Variants in ASIC2 observed in about 807,000 individuals in gnomAD.
The protein encoded by ASIC2 is acid-sensing ion channel 2.
ASIC2 carries 25 observed loss-of-function variants against 57.3 expected under a neutral mutation model. That is an observed-to-expected ratio of 0.44 (90% CI 0.32 to 0.61). The LOEUF (loss-of-function observed/expected upper bound fraction) is 0.61, where lower values mean the gene tolerates loss of function less well. Among genes scored for constraint, ASIC2 ranks in the 20% least tolerant of loss-of-function variants. The probability of loss-of-function intolerance (pLI) is 0.06; values close to 1 mark genes in which losing one functional copy is unlikely to be tolerated. For synonymous variants in ASIC2, 319 were observed against 307.5 expected, an observed-to-expected ratio of 1.04 and a Z score of -0.39; for missense variants, 641 against 738.1, an observed-to-expected ratio of 0.87 and a Z score of 1.52.
In ASIC2 at chr17:33,373,228, A is replaced by G. The variant is rs557707004; in HGVS notation, c.556-261161T>C. ...ACCTGGTCAGAAATGCAGAGGAATA[A>G]TATTTCAGATGCTAGGTGGGGACAG... On this transcript the variant is annotated intron_variant, in intron 1 of 9. Transcript: ENST00000359872. Among the ~76,000 whole-genome samples the G allele has an allele frequency of 1.6e-4, 25 of 152,304 alleles. No individual in the cohort carries two copies. The South Asian group carries it at 4.1e-3, about 25-fold the overall frequency.
At position 33,195,065 on chromosome 17, in the gene ASIC2, C is replaced by T. The variant is rs577166181; in HGVS notation, c.709-82998G>A. On this transcript the variant is annotated intron_variant, in intron 1 of 9. Coordinates refer to ENST00000225823, the MANE Select transcript of ASIC2 (RefSeq NM_183377.2). Reference sequence around the variant, plus strand: ...AGACGGGTGTGGGAACAAGCTAAGTCGGGCTCCTGGCTTGACAAATTATTA... The same window carrying T: ...AGACGGGTGTGGGAACAAGCTAAGTTGGGCTCCTGGCTTGACAAATTATTA... Among the ~76,000 whole-genome samples, 183 of 152,274 alleles carry T rather than the reference C, an allele frequency of 1.2e-3. 1 individual carries two copies. Among genetic ancestry groups the T allele is most frequent in the Non-Finnish European group, 2.9e-4 (20 of 68,026 alleles).
At chr17:33,671,939 TC>T (rs1056476515) in intron 1 of ASIC2, among the ~76,000 whole-genome samples, 5 of 152,174 alleles carry the variant, frequency 3.3e-5, no homozygotes, top group African/African-American at 9.7e-5. Flanking sequence ...CCTGTGTTGC[TC>T]CCCACTTTAA....
chr17:33,246,151 T>G (rs1908682149), intron 1 of ASIC2, among the ~76,000 whole-genome samples: 1 of 151,948 alleles, frequency 6.6e-6, no homozygotes, highest in South Asian at 2.1e-4. Flanking sequence ...GCAGTCATGA[T>G]GGAGCTAGGT....
At chr17:33,947,730 A>T (rs1904430036) in intron 1 of ASIC2, among the ~76,000 whole-genome samples, 1 of 152,262 alleles carries the variant, frequency 6.6e-6, no homozygotes, top group Non-Finnish European at 1.5e-5. Flanking sequence ...TGGAGGGCCT[A>T]AAGCACAAAG....
intron 1 of ASIC2, among the ~76,000 whole-genome samples, chr17:33,819,907 G>A (rs1441482323): frequency 1.3e-5 from 2 of 152,186 alleles, no homozygotes; most frequent in Non-Finnish European, 2.9e-5. Flanking sequence ...AATTGCTGGA[G>A]TCCCTAGGAT....
At chr17:33,439,861 A>C (rs1239494494) in intron 1 of ASIC2, among the ~76,000 whole-genome samples, 1 of 152,242 alleles carries the variant, frequency 6.6e-6, no homozygotes, top group Non-Finnish European at 1.5e-5. Flanking sequence ...CCAGTCTGCC[A>C]GGCAAGGACA....
intron 1 of ASIC2, among the ~76,000 whole-genome samples, chr17:33,394,484 T>C (rs1910006574): frequency 6.6e-6 from 1 of 152,162 alleles, no homozygotes; most frequent in Non-Finnish European, 1.5e-5. Flanking sequence ...GATTCTATTG[T>C]GTAGCTAGGG....
intron 1 of ASIC2, among the ~76,000 whole-genome samples, chr17:33,502,823 C>T (rs1331027081): frequency 6.6e-6 from 1 of 152,230 alleles, no homozygotes. Flanking sequence ...CACCCCTCAA[C>T]TGATCTTCTG....
At chr17:33,842,890 G>C (rs538294193) in intron 1 of ASIC2, among the ~76,000 whole-genome samples, 1 of 152,264 alleles carries the variant, frequency 6.6e-6, no homozygotes, top group East Asian at 1.9e-4. Context: ...GGGCCCAGCG[G>C]GGAGAGCCAG....
At chr17:33,448,349 C>T (rs1042631758) in intron 1 of ASIC2, among the ~76,000 whole-genome samples, 1 of 152,176 alleles carries the variant, frequency 6.6e-6, no homozygotes, top group African/African-American at 2.4e-5. Flanking sequence ...ATATCAGGTC[C>T]TAATCCTTGG....
At chr17:33,783,486 G>T (rs1370901385) in intron 1 of ASIC2, among the ~76,000 whole-genome samples, 2 of 152,166 alleles carry the variant, frequency 1.3e-5, no homozygotes, top group African/African-American at 2.4e-5. Context: ...AAGCATTTGC[G>T]ATATTAGGAC....
chr17:33,854,013 T>A (rs945160674), intron 1 of ASIC2, among the ~76,000 whole-genome samples: 1 of 152,228 alleles, frequency 6.6e-6, no homozygotes, highest in African/African-American at 2.4e-5. Context: ...GTTAAAAGTC[T>A]AAGATCTATG....
chr17:33,659,189 G>A (rs917806299), intron 1 of ASIC2, among the ~76,000 whole-genome samples: 1 of 152,128 alleles, frequency 6.6e-6, no homozygotes, highest in Non-Finnish European at 1.5e-5. Context: ...GAATATTCCT[G>A]TCTTGTCTCT....
intron 1 of ASIC2, among the ~76,000 whole-genome samples, chr17:33,137,782 C>T (rs150957553): frequency 2.5e-4 from 38 of 152,284 alleles, no homozygotes; most frequent in African/African-American, 8.7e-4. Flanking sequence ...GGACAGAGCA[C>T]TGAAAGCATC....
chr17:34,057,637 A>C (rs936893232), intron 1 of ASIC2, among the ~76,000 whole-genome samples: 2 of 152,132 alleles, frequency 1.3e-5, no homozygotes, highest in East Asian at 1.9e-4. Context: ...AAGCAACAGG[A>C]AGTGAGGAAG....
intron 1 of ASIC2, among the ~76,000 whole-genome samples, chr17:33,559,663 C>T (rs563933831): frequency 4.5e-4 from 69 of 152,260 alleles, no homozygotes; most frequent in African/African-American, 1.6e-3. Context: ...GTATTTTCTA[C>T]TCTGCAGCCA....
chr17:33,314,216 G>A (rs1481083030), intron 1 of ASIC2, among the ~76,000 whole-genome samples: 1 of 152,124 alleles, frequency 6.6e-6, no homozygotes, highest in Non-Finnish European at 1.5e-5. Context: ...AAGGCTGCAG[G>A]GAGGATTAAG....
rs557115385 is a variant in ASIC2 at position 33,842,384 on chromosome 17, C to T, written c.555+313594G>A. 7.2e-5 allele frequency among the ~76,000 whole-genome samples: 11 copies of T among 152,254 alleles called. No individual in the cohort carries two copies. In the East Asian group the frequency reaches 2.1e-3, roughly 29 times the overall value. ...CGGGACACACATTAAGATGCATCTACCATACAGGGTCATTCTAAGGGTATG... is the reference window on the plus strand; with the variant it reads ...CGGGACACACATTAAGATGCATCTATCATACAGGGTCATTCTAAGGGTATG... On this transcript the variant is annotated intron_variant, in intron 1 of 9. Transcript: ENST00000359872.
intron 1 of ASIC2, among the ~76,000 whole-genome samples, chr17:34,031,631 G>A (rs1168743426): frequency 6.6e-6 from 1 of 152,126 alleles, no homozygotes; most frequent in Non-Finnish European, 1.5e-5. Context: ...TTAGACAAAT[G>A]GATAACTAGA....
Sources: gnomAD v4.1 joint callset for allele counts (sites outside exome capture counted in the v4.1 genomes callset) on GRCh38, gnomAD v4.1.1 for gene constraint, MANE v1.5 for transcripts, NCBI Gene and HGNC (gene_info 2026-07-23, HGNC 2026-07-21) for gene names.